The following SAE1 variants were observed in gnomAD, a reference collection of about 807,000 sequenced individuals.
SAE1 encodes the protein SUMO-activating enzyme subunit 1.
In SAE1, 11 loss-of-function variants were observed where a neutral mutation model predicts 40.6. The ratio of observed to expected loss-of-function variants is 0.27; its 90% confidence interval spans 0.17 to 0.45. The LOEUF is 0.45. Among genes scored for constraint, SAE1 ranks in the 20% least tolerant of loss-of-function variants. SAE1 has a pLI of 1.00. For missense variants in SAE1, 373 were observed against 427.3 expected, an observed-to-expected ratio of 0.87 and a Z score of 1.12; for synonymous variants, 155 against 154.3, an observed-to-expected ratio of 1.00 and a Z score of -0.03.
At chr19:47,200,692 C>T (rs557357059) in intron 7 of SAE1, among the ~76,000 whole-genome samples, 394 of 152,206 alleles carry the variant, frequency 2.6e-3, no homozygotes, top group African/African-American at 9.1e-3. Flanking sequence ...TGGAATAGCC[C>T]TTGGCAAACT....
intron 7 of SAE1, among the ~76,000 whole-genome samples, chr19:47,198,002 A>T (rs969572083): frequency 6.6e-6 from 1 of 152,006 alleles, no homozygotes; most frequent in African/African-American, 2.4e-5. Flanking sequence ...GCATCCTCTC[A>T]CTTGGACACT....
chr19:47,170,251 C>CT, intron 6 of SAE1, among the ~76,000 whole-genome samples: 1 of 151,818 alleles, frequency 6.6e-6, no homozygotes, highest in Admixed American at 6.6e-5. Flanking sequence ...CTTGCTCTGT[C>CT]ACCCAGACTG....
chr19:47,202,975 C>T (rs564719343), intron 7 of SAE1, among the ~76,000 whole-genome samples: 1 of 152,256 alleles, frequency 6.6e-6, no homozygotes, highest in African/African-American at 2.4e-5. Context: ...GGGAGGCTTT[C>T]CCTTTCACTT....
chr19:47,155,197 C>CAACGATGGTCAAAAAGGTATGTGT lies in SAE1; in HGVS notation c.616_627+12dup. The CAACGATGGTCAAAAAGGTATGTGT allele has an allele frequency of 1.2e-6, 2 of 1,612,886 alleles. No homozygotes were observed. Among genetic ancestry groups the CAACGATGGTCAAAAAGGTATGTGT allele is most frequent in the Non-Finnish European group, 1.7e-6 (2 of 1,179,012 alleles). ...AGAGCAAAACTTGATTCTTCTGAGA[C>CAACGATGGTCAAAAAGGTATGTGT]AACGATGGTCAAAAAGGTATGTGTA... On this transcript the variant is annotated inframe_insertion, in exon 5 of 9. Coordinates refer to ENST00000270225, the MANE Select transcript of SAE1 (RefSeq NM_005500.3).
Position 47,209,444 on chromosome 19 carries a change from C to T in SAE1, c.*193C>T. The T allele has an allele frequency of 1.1e-6, 1 of 947,174 alleles. No homozygotes were observed. The highest frequency in any genetic ancestry group is 1.6e-6 in the Non-Finnish European group (1 of 633,330). 58.7% of individuals were successfully genotyped at this position (947,174 alleles called of 1,614,324 possible). A position where few individuals can be genotyped will look rare whatever the true frequency, so the allele number is the denominator to read the frequency against. On this transcript the variant is annotated 3_prime_UTR_variant, in exon 9 of 9. Transcript: ENST00000270225. The stretch of plus-strand genomic sequence containing the variant: ...ACCAGCAGCTGCTCGACAAGGGGCG[C>T]AGGGTGGCTGTCTTTGTTCCAGCAC...
At chr19:47,179,459 GTTGCTCCAT>G (rs990885163) in intron 6 of SAE1, among the ~76,000 whole-genome samples, 9 of 151,004 alleles carry the variant, frequency 6.0e-5, no homozygotes, top group African/African-American at 2.2e-4. Context: ...GTGAGCCGAG[GTTGCTCCAT>G]TGCACTCCAG....
intron 1 of SAE1, among the ~76,000 whole-genome samples, chr19:47,139,108 C>A (rs1280819812): frequency 6.6e-6 from 1 of 152,114 alleles, no homozygotes; most frequent in Non-Finnish European, 1.5e-5. Context: ...CGTGCCACCA[C>A]GCCTGGCTAA....
chr19:47,171,861 C>T (rs2123257086), intron 6 of SAE1, among the ~76,000 whole-genome samples: 1 of 152,162 alleles, frequency 6.6e-6, no homozygotes, highest in East Asian at 1.9e-4. Flanking sequence ...CCTCAGCCTC[C>T]CAAAGTGCTG....
At chr19:47,174,108 A>G (rs1049907204) in intron 6 of SAE1, among the ~76,000 whole-genome samples, 5 of 151,930 alleles carry the variant, frequency 3.3e-5, no homozygotes, top group African/African-American at 1.2e-4. Context: ...TCCATCCCTC[A>G]GTGGGTATTA....
intron 6 of SAE1, chr19:47,180,250 C>A (rs2058497654): frequency 2.2e-6 from 1 of 456,208 alleles, no homozygotes; most frequent in Non-Finnish European, 4.4e-6. Flanking sequence ...TAAAGAGAAA[C>A]CAGGGTTCCT....
intron 4 of SAE1, among the ~76,000 whole-genome samples, chr19:47,154,875 C>T (rs1424219632): frequency 6.6e-6 from 1 of 152,080 alleles, no homozygotes; most frequent in Non-Finnish European, 1.5e-5. Flanking sequence ...AGCTGTGTGC[C>T]CAGCAGTGTG....
chr19:47,173,714 A>C (rs1311578585), intron 6 of SAE1, among the ~76,000 whole-genome samples: 1 of 151,810 alleles, frequency 6.6e-6, no homozygotes. Flanking sequence ...CCACTGCCAC[A>C]TGTCCCCAGT....
At chr19:47,168,477 G>A (rs1018577715) in intron 5 of SAE1, among the ~76,000 whole-genome samples, 2 of 151,890 alleles carry the variant, frequency 1.3e-5, no homozygotes, top group African/African-American at 4.8e-5. Flanking sequence ...CTAACTTGTA[G>A]AGATTGGGGT....
chr19:47,143,418 T>A, intron 1 of SAE1, 76 bp from the exon 2 acceptor site: 1 of 1,224,054 alleles, frequency 8.2e-7, no homozygotes, highest in Non-Finnish European at 1.2e-6. Context: ...CAAAATGATT[T>A]GTGTATTTTT....
chr19:47,145,299 C>A (rs943435278), intron 2 of SAE1, among the ~76,000 whole-genome samples: 2 of 152,194 alleles, frequency 1.3e-5, no homozygotes, highest in African/African-American at 2.4e-5. Context: ...CCGCACCCGG[C>A]CATGCCTGGC....
Position 47,152,925 on chromosome 19 carries a change from G to A in SAE1, c.412G>A (p.Val138Ile). The A allele has an allele frequency of 2.5e-6, 4 of 1,611,948 alleles. No individual in the cohort carries two copies. Among genetic ancestry groups the A allele is most frequent in the Non-Finnish European group, 3.4e-6 (4 of 1,179,872 alleles). ...AVCLTCCSRD[V>I]IVKVDQICHK... ...GTGTCTGACTTGCTGCTCCAGGGAT[G>A]TCATAGTTAAAGTTGACCAGATCTG... Residue 138 changes from valine (V) to isoleucine (I), a missense_variant, in exon 4 of 9, where the codon GTC becomes ATC. Physicochemically the swap from Val to Ile is conservative, Grantham distance 29. This residue lies in a region of SAE1 where 351 missense variants were observed against 390.6 expected (regional missense o/e 0.90). Transcript: ENST00000270225.
At chr19:47,160,499 G>A (rs2058353325) in intron 5 of SAE1, among the ~76,000 whole-genome samples, 4 of 147,734 alleles carry the variant, frequency 2.7e-5, no homozygotes, top group East Asian at 2.0e-4. Flanking sequence ...GGTTCATGCC[G>A]TTCTCCTGCC....
At chr19:47,187,032 C>T (rs755398035) in intron 6 of SAE1, among the ~76,000 whole-genome samples, 1 of 152,100 alleles carries the variant, frequency 6.6e-6, no homozygotes, top group Non-Finnish European at 1.5e-5. Context: ...GGGGGGTGCT[C>T]AGGAAGTGAT....
intron 5 of SAE1, among the ~76,000 whole-genome samples, chr19:47,165,603 C>T (rs1183714643): frequency 6.6e-6 from 1 of 152,194 alleles, no homozygotes; most frequent in Non-Finnish European, 1.5e-5. Context: ...GGTGCCTCAC[C>T]TGAAAGACTC....
Sources: gnomAD v4.1 joint callset for allele counts (sites outside exome capture counted in the v4.1 genomes callset) on GRCh38, gnomAD v4.1.1 for gene constraint, gnomAD v4.1.1 regional missense constraint, MANE v1.5 for transcripts, NCBI Gene and HGNC (gene_info 2026-07-23, HGNC 2026-07-21) for gene names.